Variants in MPPED1 observed in about 807,000 individuals in gnomAD.
MPPED1 encodes the protein metallophosphoesterase domain containing 1.
MPPED1 carries 16 observed loss-of-function variants against 36.2 expected under a neutral mutation model. That is an observed-to-expected ratio of 0.44 (90% confidence interval 0.30 to 0.67). The LOEUF is 0.67. Ranked by LOEUF, MPPED1 falls within the 30% of genes least tolerant of loss-of-function variation. MPPED1 has a pLI of 0.10. For synonymous variants in MPPED1, 199 were observed against 191.3 expected (o/e 1.04, Z -0.33); for missense variants, 307 against 453.4 (o/e 0.68, Z 2.93).
intron 3 of MPPED1, among the ~76,000 whole-genome samples, chr22:43,440,655 G>T (rs1930117399): frequency 1.3e-5 from 2 of 152,128 alleles, no homozygotes; most frequent in African/African-American, 4.8e-5. Context: ...GTGCCAGGCT[G>T]GCCTCCCCAC....
In MPPED1 at chr22:43,487,860, A is replaced by G. The variant is rs144847691; in HGVS notation, c.633-10375A>G. Among the ~76,000 whole-genome samples, 9 of 152,216 alleles carry G rather than the reference A, an allele frequency of 5.9e-5. No individual in the cohort carries two copies. The East Asian group carries it at 1.7e-3, about 30-fold the overall frequency. ...TTTTGCCCTGAGGATGAACTGAGCTACTAGACGTGACAGCGACTGCTTAAG... is the reference window on the plus strand; with the variant it reads ...TTTTGCCCTGAGGATGAACTGAGCTGCTAGACGTGACAGCGACTGCTTAAG... On this transcript the variant is annotated intron_variant, in intron 4 of 6. Transcript: ENST00000443721.
intron 3 of MPPED1, among the ~76,000 whole-genome samples, chr22:43,445,319 C>T (rs1392176707): frequency 6.6e-6 from 1 of 152,204 alleles, no homozygotes; most frequent in Non-Finnish European, 1.5e-5. Context: ...TCCCCCCCAC[C>T]TCCGCCTTCT....
intron 4 of MPPED1, among the ~76,000 whole-genome samples, chr22:43,477,893 G>C (rs1365811041): frequency 6.6e-6 from 1 of 152,198 alleles, no homozygotes. Flanking sequence ...CTGCCTTGTT[G>C]GGGGGTTGTG....
At chr22:43,472,421 C>T (rs1174217556) in intron 3 of MPPED1, among the ~76,000 whole-genome samples, 2 of 152,132 alleles carry the variant, frequency 1.3e-5, no homozygotes, top group African/African-American at 4.8e-5. Context: ...TGTTACTTTT[C>T]TCATTTTACA....
chr22:43,495,493 A>AGTGGTGGTGGAGGTGGTG (rs1932257177), intron 4 of MPPED1, among the ~76,000 whole-genome samples: 6 of 7,974 alleles, frequency 7.5e-4, no homozygotes, highest in South Asian at 0.011. Context: ...TGGTGGAGGT[A>AGTGGTGGTGGAGGTGGTG]GTGGTGGTGG....
intron 2 of MPPED1, among the ~76,000 whole-genome samples, chr22:43,432,363 A>G (rs1315617952): frequency 4.0e-5 from 4 of 98,802 alleles, no homozygotes; most frequent in African/African-American, 8.3e-5. Flanking sequence ...GAGAGAGAGA[A>G]AGGGAGAGAG....
intron 3 of MPPED1, among the ~76,000 whole-genome samples, chr22:43,468,819 C>A (rs1931263209): frequency 6.6e-6 from 1 of 152,090 alleles, no homozygotes; most frequent in South Asian, 2.1e-4. Flanking sequence ...AGAAGGTGGG[C>A]ATTCAGCCTA....
In MPPED1 at chr22:43,492,189, G is replaced by A. The variant is rs575002699; in HGVS notation, c.633-6046G>A. The stretch of plus-strand genomic sequence containing the variant: ...AACTGATTTAGTCATTTCAACAGCC[G>A]TATTGAGTATTATCCCCACTTCACA... On this transcript the variant is annotated intron_variant, in intron 4 of 6. Coordinates refer to ENST00000443721, the MANE Select transcript of MPPED1 (RefSeq NM_001044370.2). Among the ~76,000 whole-genome samples, 9 of 152,222 alleles carry A rather than the reference G, an allele frequency of 5.9e-5. No homozygotes were observed. The South Asian group carries it at 8.3e-4, about 14-fold the overall frequency.
chr22:43,449,422 A>ACCCCCCCCCCCCCCCCCCCCCCCCAC (rs135045), intron 3 of MPPED1, among the ~76,000 whole-genome samples: 2 of 127,332 alleles, frequency 1.6e-5, no homozygotes, highest in African/African-American at 2.9e-5. Flanking sequence ...GACAGTGCCA[A>ACCCCCCCCCCCCCCCCCCCCCCCCAC]CCCCCCCCGC....
chr22:43,439,422 G>A (rs73887310), intron 3 of MPPED1, among the ~76,000 whole-genome samples: 69 of 152,392 alleles, frequency 4.5e-4, no homozygotes, highest in African/African-American at 1.6e-3. Flanking sequence ...AGAATGTGCA[G>A]GTGGTTCCTT....
At position 43,504,323 on chromosome 22, in the gene MPPED1, T is replaced by C. The variant is rs551470174; in HGVS notation, c.863-1175T>C. Among the ~76,000 whole-genome samples the C allele has an allele frequency of 2.0e-5, 3 of 151,976 alleles. No individual in the cohort carries two copies. In the East Asian group the frequency reaches 5.8e-4, roughly 30 times the overall value. ...ACAGTGGTGTTGGTGGTGATGATCA[T>C]GATGACATCAGTGATGGCATCATCA... On this transcript the variant is annotated intron_variant, in intron 6 of 6. Coordinates refer to ENST00000443721, the MANE Select transcript of MPPED1 (RefSeq NM_001044370.2).
At chr22:43,477,263 CCT>C (rs1931605830) in intron 4 of MPPED1, among the ~76,000 whole-genome samples, 1 of 152,258 alleles carries the variant, frequency 6.6e-6, no homozygotes, top group African/African-American at 2.4e-5. Flanking sequence ...CTGAACGCCC[CCT>C]CTCTCCATCC....
chr22:43,505,685 T>C lies in MPPED1; in HGVS notation c.*69T>C, dbSNP rs1320276123. 1.4e-6 allele frequency: 2 copies of C among 1,426,520 alleles called. No individual in the cohort carries two copies. Among genetic ancestry groups the C allele is most frequent in the Non-Finnish European group, 1.9e-6 (2 of 1,037,862 alleles). The allele number at this position is 1,426,520 out of a possible 1,614,324, so 88.4% of individuals were successfully genotyped here. On this transcript the variant is annotated 3_prime_UTR_variant, in exon 7 of 7. Coordinates refer to ENST00000443721, the MANE Select transcript of MPPED1 (RefSeq NM_001044370.2). ...CAGGCCTGGCCCGGCCACTGTTCCT[T>C]CCATGCTGAGTTGCCTGGACGACCC...
At chr22:43,444,654 T>A (rs1930273008) in intron 3 of MPPED1, among the ~76,000 whole-genome samples, 1 of 152,168 alleles carries the variant, frequency 6.6e-6, no homozygotes, top group African/African-American at 2.4e-5. Context: ...TAGGCCACCA[T>A]GCCTGGCCCT....
rs374142256 is a variant in MPPED1 at position 43,435,066 on chromosome 22, C to T, written c.257C>T (p.Pro86Leu). ...CCGGTGCCTCACGATGCCCCCAAACCTCCAGGCTACACCCGCTTCGTCTGC... is the reference window on the plus strand; with the variant it reads ...CCGGTGCCTCACGATGCCCCCAAACTTCCAGGCTACACCCGCTTCGTCTGC... The part of the protein sequence containing the change: ...VDPVPHDAPK[P>L]PGYTRFVCVS... The change falls in exon 3 of 7, where the codon CCT (proline) becomes CTT (leucine). Residue 86 changes from proline (P) to leucine (L), a missense_variant. Physicochemically the swap from Pro to Leu is moderately conservative, Grantham distance 98. Around this residue, in one of 3 missense-constraint regions of MPPED1, gnomAD observed 169 missense variants for 212.3 expected, o/e 0.80. Transcript: ENST00000443721. 197 of 1,613,728 alleles carry T rather than the reference C, an allele frequency of 1.2e-4. No individual in the cohort carries two copies. The highest frequency in any genetic ancestry group is 1.6e-4 in the Non-Finnish European group (193 of 1,179,896).
intron 2 of MPPED1, among the ~76,000 whole-genome samples, chr22:43,426,455 C>T (rs145771035): frequency 3.9e-5 from 6 of 152,210 alleles, no homozygotes; most frequent in Middle Eastern, 3.4e-3. Flanking sequence ...CCAGACTGCC[C>T]GTGAGTCTGG....
At chr22:43,492,305 AG>A (rs1456190211) in intron 4 of MPPED1, among the ~76,000 whole-genome samples, 54 of 152,270 alleles carry the variant, frequency 3.5e-4, no homozygotes, top group African/African-American at 1.1e-3. Flanking sequence ...TCTAACTGCA[AG>A]ATGAGCTCAC....
intron 6 of MPPED1, among the ~76,000 whole-genome samples, chr22:43,504,695 T>C (rs936988007): frequency 1.3e-5 from 2 of 151,740 alleles, no homozygotes; most frequent in African/African-American, 4.8e-5. Flanking sequence ...TTGGTGATAA[T>C]GATGGTGATG....
At chr22:43,476,084 T>C (rs532084998) in intron 4 of MPPED1, among the ~76,000 whole-genome samples, 1 of 150,966 alleles carries the variant, frequency 6.6e-6, no homozygotes, top group African/African-American at 2.4e-5. Flanking sequence ...GGGGTGGTGG[T>C]GATGATGATG....
Sources: allele counts gnomAD v4.1 joint callset (sites outside exome capture counted in the v4.1 genomes callset), GRCh38; gene constraint gnomAD v4.1.1; regional missense constraint gnomAD v4.1.1; transcripts MANE v1.5; gene names NCBI Gene and HGNC (gene_info 2026-07-23, HGNC 2026-07-21).